GRID2: variants seen among roughly 807,000 people sequenced by gnomAD.
GRID2 encodes glutamate ionotropic receptor delta type subunit 2.
GRID2 carries 33 observed loss-of-function variants against 114.8 expected under a neutral mutation model. The ratio of observed to expected loss-of-function variants is 0.29; its 90% CI spans 0.22 to 0.38. The LOEUF (loss-of-function observed/expected upper bound fraction) is 0.38, where lower values mean the gene tolerates loss of function less well. GRID2 is among the 10% of genes least tolerant of loss of function. The pLI is 1.00. For synonymous variants in GRID2, 505 were observed against 449.9 expected (o/e 1.12, Z -1.55); for missense variants, 1,184 against 1,257.7 (o/e 0.94, Z 0.89).
chr4:93,142,384 T>C (rs1735857173), intron 4 of GRID2, among the ~76,000 whole-genome samples: 1 of 152,134 alleles, frequency 6.6e-6, no homozygotes, highest in Admixed American at 6.5e-5. Context: ...CTGGAAGAAA[T>C]GGTGTCTGGT....
chr4:92,481,390 G>A (rs1312782847), intron 1 of GRID2, among the ~76,000 whole-genome samples: 1 of 152,070 alleles, frequency 6.6e-6, no homozygotes, highest in Non-Finnish European at 1.5e-5. Context: ...GAATTTATGT[G>A]AATCACAGAC....
intron 9 of GRID2, among the ~76,000 whole-genome samples, chr4:93,397,969 A>C (rs1239193474): frequency 6.6e-6 from 1 of 151,388 alleles, no homozygotes; most frequent in Non-Finnish European, 1.5e-5. Flanking sequence ...ACCTGTGGAT[A>C]TGGAGTGTTA....
chr4:93,254,082 A>G (rs753308630), intron 8 of GRID2, among the ~76,000 whole-genome samples: 2 of 152,114 alleles, frequency 1.3e-5, no homozygotes, highest in Non-Finnish European at 2.9e-5. Context: ...TCTTTTCAAT[A>G]AGATAAATGT....
At chr4:93,776,728 A>G (rs568562000), downstream of GRID2, among the ~76,000 whole-genome samples, 1 of 152,304 alleles carries the variant, frequency 6.6e-6, no homozygotes, top group Admixed American at 6.5e-5. Flanking sequence ...AAGACTTGGA[A>G]ATTTACCAAC....
At chr4:92,493,236 G>A (rs1723236508) in intron 1 of GRID2, among the ~76,000 whole-genome samples, 1 of 151,910 alleles carries the variant, frequency 6.6e-6, no homozygotes, top group South Asian at 2.1e-4. Flanking sequence ...CCTAAAAGAG[G>A]GCATTATAAA....
chr4:92,910,988 A>T (rs1454660065), intron 2 of GRID2, among the ~76,000 whole-genome samples: 2 of 152,070 alleles, frequency 1.3e-5, no homozygotes, highest in Non-Finnish European at 2.9e-5. Context: ...CTAGTTTCTG[A>T]TACAGTTGAT....
intron 1 of GRID2, among the ~76,000 whole-genome samples, chr4:92,337,698 C>G (rs1201433387): frequency 6.6e-6 from 1 of 152,152 alleles, no homozygotes; most frequent in African/African-American, 2.4e-5. Context: ...AGCAACCACT[C>G]CCGTGATCCA....
intron 4 of GRID2, among the ~76,000 whole-genome samples, chr4:93,133,802 C>A (rs1326048616): frequency 1.3e-5 from 2 of 151,932 alleles, no homozygotes; most frequent in African/African-American, 4.8e-5. Flanking sequence ...AAAAAGAATG[C>A]CAAAGCTTTA....
At position 92,344,155 on chromosome 4, in the gene GRID2, A is replaced by T. The variant is rs186662162; in HGVS notation, c.88+39411A>T. ...TTTAATAATTATAATACAATATACA[A>T]TTTTTTTAATGCTAAGATGAAGCCA... On this transcript the variant is annotated intron_variant, in intron 1 of 15. Coordinates refer to ENST00000282020, the MANE Select transcript of GRID2 (RefSeq NM_001510.4). Among the ~76,000 whole-genome samples, 141 of 152,146 alleles carry T rather than the reference A, an allele frequency of 9.3e-4. 1 individual carries two copies. The highest frequency in any genetic ancestry group is 3.3e-3 in the African/African-American group (136 of 41,502).
At chr4:92,805,625 T>G (rs1448086698) in intron 2 of GRID2, among the ~76,000 whole-genome samples, 1 of 151,972 alleles carries the variant, frequency 6.6e-6, no homozygotes, top group African/African-American at 2.4e-5. Context: ...AAAATCCTAT[T>G]ATACGGTGTT....
At chr4:92,411,682 A>G (rs1731333003) in intron 1 of GRID2, among the ~76,000 whole-genome samples, 1 of 90,074 alleles carries the variant, frequency 1.1e-5, no homozygotes, top group Admixed American at 1.0e-4. Context: ...TATATATGAA[A>G]TATACCCACA....
chr4:93,508,016 G>A (rs1728796265), intron 12 of GRID2, among the ~76,000 whole-genome samples: 1 of 151,878 alleles, frequency 6.6e-6, no homozygotes, highest in Non-Finnish European at 1.5e-5. Flanking sequence ...TGTGGGGTGG[G>A]GGAATTGGGA....
intron 2 of GRID2, among the ~76,000 whole-genome samples, chr4:93,012,233 A>AT (rs922022655): frequency 2.6e-5 from 4 of 151,888 alleles, no homozygotes; most frequent in African/African-American, 9.7e-5. Flanking sequence ...AACACCACTT[A>AT]TTTTTGCACT....
intron 3 of GRID2, among the ~76,000 whole-genome samples, chr4:93,094,792 T>G (rs903546682): frequency 6.6e-6 from 1 of 151,858 alleles, no homozygotes; most frequent in South Asian, 2.1e-4. Context: ...CAAAGATAAA[T>G]GTGAAGAGAA....
At chr4:92,694,894 T>A (rs1734352065) in intron 2 of GRID2, among the ~76,000 whole-genome samples, 1 of 152,198 alleles carries the variant, frequency 6.6e-6, no homozygotes, top group Non-Finnish European at 1.5e-5. Context: ...ATTTACCAAA[T>A]AATCAGACCT....
intron 4 of GRID2, among the ~76,000 whole-genome samples, chr4:93,138,162 A>T (rs942009211): frequency 6.6e-6 from 1 of 151,700 alleles, no homozygotes; most frequent in African/African-American, 2.4e-5. Context: ...TTTGGTAGAG[A>T]TGGGGTTTTA....
chr4:92,600,067 T>A (rs1291550433), intron 2 of GRID2, among the ~76,000 whole-genome samples: 5 of 132,764 alleles, frequency 3.8e-5, no homozygotes, highest in Admixed American at 2.2e-4. Context: ...TATATATATA[T>A]ATATATATAT....
intron 9 of GRID2, among the ~76,000 whole-genome samples, 171 bp downstream of exon 9, chr4:93,395,879 G>A (rs886335560): frequency 6.6e-6 from 1 of 151,934 alleles, no homozygotes; most frequent in Non-Finnish European, 1.5e-5. Context: ...ACGTGGATCA[G>A]GATCACAGTT....
At chr4:93,556,203 C>G (rs919259371) in intron 13 of GRID2, among the ~76,000 whole-genome samples, 13 of 152,140 alleles carry the variant, frequency 8.5e-5, no homozygotes, top group Non-Finnish European at 1.5e-4. Context: ...GCCTCTTCTC[C>G]TCCAAAGGAT....
Sources: gnomAD v4.1 joint callset for allele counts (sites outside exome capture counted in the v4.1 genomes callset) on GRCh38, gnomAD v4.1.1 for gene constraint, MANE v1.5 for transcripts, NCBI Gene and HGNC (gene_info 2026-07-23, HGNC 2026-07-21) for gene names.